The following ZBTB16 variants were observed in gnomAD, a reference collection of about 807,000 sequenced individuals.
ZBTB16 encodes zinc finger and BTB domain containing 16.
A neutral mutation model predicts 56.8 loss-of-function variants in ZBTB16; 8 were observed. The observed-to-expected ratio is 0.14, with a 90% CI of 0.08 to 0.25. The LOEUF is 0.25. Among genes scored for constraint, ZBTB16 ranks in the 10% least tolerant of loss-of-function variants. The probability of loss-of-function intolerance (pLI) is 1.00; values close to 1 mark genes in which losing one functional copy is unlikely to be tolerated. For missense variants in ZBTB16, 625 were observed against 903.0 expected, an observed-to-expected ratio of 0.69 and a Z score of 3.95; for synonymous variants, 363 against 368.5, an observed-to-expected ratio of 0.98 and a Z score of 0.17.
In ZBTB16 at chr11:114,143,777, C is replaced by T. The variant is rs1342100497; in HGVS notation, c.1269-12560C>T. ...GCACAGGTGGCTTAGCAAATGCAGTCAGAGTCAAGGTTAAGAATCGATCTC... is the reference window on the plus strand; with the variant it reads ...GCACAGGTGGCTTAGCAAATGCAGTTAGAGTCAAGGTTAAGAATCGATCTC... On this transcript the variant is annotated intron_variant, in intron 2 of 6. Transcript: ENST00000335953. The surrounding 1 kb of genome is among the most constrained non-coding windows in gnomAD (Gnocchi z 6.4). Among the ~76,000 whole-genome samples, 2 of 152,152 alleles carry T rather than the reference C, an allele frequency of 1.3e-5. No individual in the cohort carries two copies. The highest frequency in any genetic ancestry group is 4.8e-5 in the African/African-American group (2 of 41,418).
intron 3 of ZBTB16, among the ~76,000 whole-genome samples, chr11:114,169,536 C>G (rs1002931444): frequency 6.6e-6 from 1 of 152,142 alleles, no homozygotes; most frequent in Admixed American, 6.5e-5. Flanking sequence ...TGCAGGAAAT[C>G]GTTTGTGAAG....
rs1454975506 is a variant in ZBTB16 at position 114,253,470 on chromosome 11, CGTGTGCTTTGTGTGT to C, written c.*2919_*2933del. On this transcript the variant is annotated 3_prime_UTR_variant, in exon 7 of 7. Transcript: ENST00000335953. Reference sequence around the variant, plus strand: ...CTTTGTACATGTATGTGCGTGTGCGCGTGTGCTTTGTGTGTGTGGTTGTGTGTTAAATCATGCAGT... The same window carrying C: ...CTTTGTACATGTATGTGCGTGTGCGCGTGGTTGTGTGTTAAATCATGCAGT... Among the ~76,000 whole-genome samples, 4 of 152,158 alleles carry C rather than the reference CGTGTGCTTTGTGTGT, an allele frequency of 2.6e-5. No individual in the cohort carries two copies. Among genetic ancestry groups the C allele is most frequent in the African/African-American group, 9.7e-5 (4 of 41,446 alleles).
intron 2 of ZBTB16, among the ~76,000 whole-genome samples, chr11:114,097,628 C>A (rs1352849530): frequency 6.6e-6 from 1 of 152,130 alleles, no homozygotes; most frequent in South Asian, 2.1e-4. Flanking sequence ...TATCAGCGAT[C>A]AGTCTAGCGT....
chr11:114,109,438 G>A (rs1940923147), intron 2 of ZBTB16, among the ~76,000 whole-genome samples: 1 of 152,164 alleles, frequency 6.6e-6, no homozygotes, highest in African/African-American at 2.4e-5. Context: ...GCCATGCCCT[G>A]TTGCTCCTTA....
chr11:114,210,642 A>C (rs978127700), intron 4 of ZBTB16: 28 of 223,968 alleles, frequency 1.3e-4, no homozygotes, highest in Non-Finnish European at 3.5e-5. Context: ...CCTCACCCCC[A>C]CTTCCCTGTT....
intron 4 of ZBTB16, among the ~76,000 whole-genome samples, chr11:114,201,535 T>G (rs1565682982): frequency 6.6e-6 from 1 of 152,224 alleles, no homozygotes; most frequent in Non-Finnish European, 1.5e-5. Context: ...GTACCAAAGT[T>G]TCTAAGCTTT....
At chr11:114,187,315 G>A (rs2135061651) in intron 4 of ZBTB16, 1 of 536,818 alleles carries the variant, frequency 1.9e-6, no homozygotes, top group East Asian at 3.3e-5. Context: ...CATGTTCTTG[G>A]AGGTATCTAG....
At position 114,224,264 on chromosome 11, in the gene ZBTB16, A is replaced by C. The variant is rs926868096; in HGVS notation, c.1454-17903A>C. Among the ~76,000 whole-genome samples the C allele has an allele frequency of 1.3e-5, 2 of 152,248 alleles. 1 individual carries two copies. Among genetic ancestry groups the C allele is most frequent in the South Asian group, 4.1e-4 (2 of 4,832 alleles). Reference sequence around the variant, plus strand: ...GGGGTGGATAAATAAATGCACAAAAAGATACTAGAAATCCGAAAACATTTG... The same window carrying C: ...GGGGTGGATAAATAAATGCACAAAACGATACTAGAAATCCGAAAACATTTG... On this transcript the variant is annotated intron_variant, in intron 4 of 6. Coordinates refer to ENST00000335953, the MANE Select transcript of ZBTB16 (RefSeq NM_006006.6).
In ZBTB16 at chr11:114,064,227, A is replaced by G. The variant is rs1235944514; in HGVS notation, c.927A>G (p.Pro309=). 1.2e-6 allele frequency: 2 copies of G among 1,614,036 alleles called. No homozygotes were observed. The highest frequency in any genetic ancestry group is 1.7e-6 in the Non-Finnish European group (2 of 1,180,012). Residue 309 remains proline (P), a synonymous_variant, in exon 2 of 7, where the codon CCA becomes CCG. Transcript: ENST00000335953. This position sits in a 1 kb window ranked among gnomAD's most constrained non-coding sequence, Gnocchi z 4.2. The part of the protein sequence containing the change: ...REESAEQVPP[P]AEAGQAPTGR... ...AGAGTGCCGAGCAGGTGCCACCCCCAGCTGAGGCTGGCCAGGCCCCCACTG... is the reference window on the plus strand; with the variant it reads ...AGAGTGCCGAGCAGGTGCCACCCCCGGCTGAGGCTGGCCAGGCCCCCACTG...
chr11:114,251,289 C>T lies in ZBTB16; in HGVS notation c.*734C>T, dbSNP rs1018848795. Among the ~76,000 whole-genome samples the T allele has an allele frequency of 3.9e-5, 6 of 152,138 alleles. No individual in the cohort carries two copies. Among genetic ancestry groups the T allele is most frequent in the African/African-American group, 7.2e-5 (3 of 41,420 alleles). The stretch of plus-strand genomic sequence containing the variant: ...ACCTGGCGGTGTCTCCATCCTTCTC[C>T]GGTTCCCTAGTGGGATAGCTGCCTC... On this transcript the variant is annotated 3_prime_UTR_variant, in exon 7 of 7. Coordinates refer to ENST00000335953, the MANE Select transcript of ZBTB16 (RefSeq NM_006006.6).
At chr11:114,148,469 C>CTCTTTCTTTCTTTCTTTCTT (rs1555144000) in intron 2 of ZBTB16, among the ~76,000 whole-genome samples, 5 of 60,968 alleles carry the variant, frequency 8.2e-5, no homozygotes, top group South Asian at 7.3e-4. Context: ...CTCTCTCTCT[C>CTCTTTCTTTCTTTCTTTCTT]TCTTTCTTTC....
intron 2 of ZBTB16, among the ~76,000 whole-genome samples, chr11:114,123,784 T>A (rs1192336608): frequency 6.6e-6 from 1 of 152,156 alleles, no homozygotes; most frequent in East Asian, 1.9e-4. Flanking sequence ...TTCTTGACAG[T>A]GGCCTTAAAA....
At chr11:114,127,866 C>T (rs2137818998) in intron 2 of ZBTB16, among the ~76,000 whole-genome samples, 1 of 152,190 alleles carries the variant, frequency 6.6e-6, no homozygotes, top group African/African-American at 2.4e-5. Context: ...TAGCCTTTTG[C>T]CCTGGACAGC....
At chr11:114,095,248 T>TTCTTTTTTTTTCTTTC (rs1327021438) in intron 2 of ZBTB16, among the ~76,000 whole-genome samples, 1 of 102,922 alleles carries the variant, frequency 9.7e-6, no homozygotes, top group Non-Finnish European at 1.9e-5. Context: ...TTCTTTTCTT[T>TTCTTTTTTTTTCTTTC]TTTTTTTTTT....
rs1943372464 is a variant in ZBTB16 at position 114,186,891 on chromosome 11, G to A, written c.1367-61G>A. On this transcript the variant is annotated intron_variant, in intron 3 of 6. Coordinates refer to ENST00000335953, the MANE Select transcript of ZBTB16 (RefSeq NM_006006.6). ...TGTCTACCTGCACAGTTGTGGCCCA[G>A]GACCTCCCCGCTCACCAGTGGACTA... The A allele has an allele frequency of 2.6e-6, 4 of 1,548,510 alleles. No individual in the cohort carries two copies. In the East Asian group the frequency reaches 6.7e-5, roughly 26 times the overall value.
intron 4 of ZBTB16, among the ~76,000 whole-genome samples, chr11:114,227,599 A>G (rs1018097120): frequency 7.3e-4 from 111 of 152,342 alleles, no homozygotes; most frequent in African/African-American, 2.6e-3. Context: ...TGGGGAAGAC[A>G]GTAAACCTTG....
intron 3 of ZBTB16, among the ~76,000 whole-genome samples, chr11:114,170,614 T>TG (rs2135008712): frequency 6.6e-6 from 1 of 151,444 alleles, no homozygotes; most frequent in African/African-American, 2.4e-5. Flanking sequence ...TTCACTTGCC[T>TG]GGGACAAGGG....
At chr11:114,105,011 C>A (rs898438381) in intron 2 of ZBTB16, among the ~76,000 whole-genome samples, 1 of 152,152 alleles carries the variant, frequency 6.6e-6, no homozygotes, top group Non-Finnish European at 1.5e-5. Context: ...GCTACTTAAC[C>A]CCTCGCCACC....
chr11:114,172,946 AGT>A (rs950211494), intron 3 of ZBTB16, among the ~76,000 whole-genome samples: 7 of 152,308 alleles, frequency 4.6e-5, no homozygotes, highest in African/African-American at 1.7e-4. Flanking sequence ...TGTTTTGAAA[AGT>A]GTGGCATCTT....
Sources: gnomAD v4.1 joint callset for allele counts (sites outside exome capture counted in the v4.1 genomes callset) on GRCh38, gnomAD v4.1.1 for gene constraint, Gnocchi (gnomAD v3.1) non-coding constraint, MANE v1.5 for transcripts, NCBI Gene and HGNC (gene_info 2026-07-23, HGNC 2026-07-21) for gene names.